The following C1orf87 variants were observed in gnomAD, a reference collection of about 807,000 sequenced individuals.
C1orf87 encodes the protein uncharacterized protein C1orf87.
Under a neutral mutation model 60.5 loss-of-function variants are expected in C1orf87, and 58 were observed. The observed-to-expected ratio is 0.96, with a 90% CI of 0.78 to 1.19. The LOEUF (loss-of-function observed/expected upper bound fraction) is 1.19. Ranked by LOEUF, C1orf87 falls within the 50% of genes most tolerant of loss-of-function variation. The pLI is 0.00. For missense variants in C1orf87, 673 were observed against 638.6 expected, an observed-to-expected ratio of 1.05 and a Z score of -0.58; for synonymous variants, 236 against 227.4, an observed-to-expected ratio of 1.04 and a Z score of -0.34.
At chr1:60,047,893 T>C (rs1241171885) in intron 3 of C1orf87, among the ~76,000 whole-genome samples, 2 of 152,190 alleles carry the variant, frequency 1.3e-5, no homozygotes, top group African/African-American at 4.8e-5. Flanking sequence ...ACTAGGGATA[T>C]GCAATGAAGT....
chr1:60,017,244 C>T (rs751834997), intron 8 of C1orf87, among the ~76,000 whole-genome samples: 9 of 152,164 alleles, frequency 5.9e-5, no homozygotes, highest in Non-Finnish European at 1.3e-4. Flanking sequence ...AGCCAATGGG[C>T]AGATCTATAC....
At chr1:60,047,219 T>C (rs1434766132) in intron 3 of C1orf87, among the ~76,000 whole-genome samples, 1 of 152,238 alleles carries the variant, frequency 6.6e-6, no homozygotes, top group Non-Finnish European at 1.5e-5. Flanking sequence ...TGCTTGGTTG[T>C]TTTATTTACT....
At chr1:59,994,137 C>T (rs544019754) in intron 11 of C1orf87, among the ~76,000 whole-genome samples, 1 of 152,218 alleles carries the variant, frequency 6.6e-6, no homozygotes, top group African/African-American at 2.4e-5. Flanking sequence ...GATCCGTTCT[C>T]AAATCTGGGA....
intron 11 of C1orf87, among the ~76,000 whole-genome samples, chr1:59,993,745 T>TAATAAGAA (rs1196628628): frequency 3.4e-5 from 5 of 148,370 alleles, no homozygotes; most frequent in Non-Finnish European, 7.5e-5. Context: ...AATAAAAAAA[T>TAATAAGAA]AATAAGAATC....
rs146811568 is a variant in C1orf87 at position 59,998,300 on chromosome 1, C to T, written c.1273-484G>A. On this transcript the variant is annotated intron_variant, in intron 10 of 11. Transcript: ENST00000371201. ...AGGATGTTAAAGCACTCTTAGTCTG[C>T]CAGTCCTGTTCATTTAGCAAAGGAG... Among the ~76,000 whole-genome samples the T allele has an allele frequency of 2.0e-5, 3 of 152,236 alleles. No homozygotes were observed. The East Asian group carries it at 5.8e-4, about 29-fold the overall frequency.
At chr1:60,020,768 A>C (rs1248165407) in intron 8 of C1orf87, among the ~76,000 whole-genome samples, 2 of 152,120 alleles carry the variant, frequency 1.3e-5, no homozygotes. Context: ...TTAATGCTGG[A>C]ATGACTTAAG....
At chr1:60,062,346 C>G (rs562559725) in intron 2 of C1orf87, among the ~76,000 whole-genome samples, 1 of 152,214 alleles carries the variant, frequency 6.6e-6, no homozygotes, top group South Asian at 2.1e-4. Context: ...TCTTCGAAAC[C>G]AAATCATTAT....
At chr1:60,038,213 A>C (rs963643256) in intron 5 of C1orf87, 106 bp from the exon 6 acceptor site, 8 of 444,748 alleles carry the variant, frequency 1.8e-5, no homozygotes, top group Admixed American at 3.8e-5. Context: ...CAAACATTTA[A>C]AAAAACACTT....
At chr1:60,029,659 T>TTA (rs1645223059) in intron 7 of C1orf87, among the ~76,000 whole-genome samples, 1 of 149,266 alleles carries the variant, frequency 6.7e-6, no homozygotes, top group African/African-American at 2.5e-5. Context: ...TTTTTTTTTT[T>TTA]AGATGGAGTC....
chr1:60,049,254 A>G (rs1645395654), intron 3 of C1orf87, among the ~76,000 whole-genome samples: 1 of 152,034 alleles, frequency 6.6e-6, no homozygotes, highest in Admixed American at 6.6e-5. Context: ...TATATTATCA[A>G]TATTATGGAT....
At chr1:60,008,264 A>C (rs1343073816) in intron 9 of C1orf87, among the ~76,000 whole-genome samples, 1 of 152,048 alleles carries the variant, frequency 6.6e-6, no homozygotes. Context: ...GCAGGTTTGC[A>C]TTTTTCTTTT....
At chr1:60,035,297 G>A (rs982292815) in intron 6 of C1orf87, among the ~76,000 whole-genome samples, 2 of 152,188 alleles carry the variant, frequency 1.3e-5, no homozygotes, top group African/African-American at 4.8e-5. Context: ...AATTCATGAA[G>A]CTTTGGTCCC....
intron 3 of C1orf87, among the ~76,000 whole-genome samples, chr1:60,051,170 A>G (rs1645411731): frequency 6.6e-6 from 1 of 152,238 alleles, no homozygotes; most frequent in African/African-American, 2.4e-5. Context: ...AGTGAAATAG[A>G]GAATAGACAG....
At chr1:60,052,810 T>C (rs1250469519) in intron 3 of C1orf87, among the ~76,000 whole-genome samples, 1 of 152,206 alleles carries the variant, frequency 6.6e-6, no homozygotes, top group Non-Finnish European at 1.5e-5. Flanking sequence ...AGGATTCCAT[T>C]TACCACTTAG....
intron 8 of C1orf87, among the ~76,000 whole-genome samples, chr1:60,014,349 G>C (rs1361425075): frequency 1.3e-5 from 2 of 152,156 alleles, no homozygotes; most frequent in Non-Finnish European, 2.9e-5. Context: ...CTTGGGGCAA[G>C]CAACTAATTG....
At chr1:59,994,623 C>G (rs1391896564) in intron 11 of C1orf87, among the ~76,000 whole-genome samples, 5 of 151,698 alleles carry the variant, frequency 3.3e-5, no homozygotes, top group Admixed American at 6.5e-5. Flanking sequence ...TTATCTTAAC[C>G]ACTGTTTTTT....
chr1:60,059,486 G>A (rs1437839533), intron 2 of C1orf87, among the ~76,000 whole-genome samples: 1 of 152,066 alleles, frequency 6.6e-6, no homozygotes, highest in African/African-American at 2.4e-5. Context: ...CTCTCTCACC[G>A]GGCTCTTTCT....
intron 7 of C1orf87, among the ~76,000 whole-genome samples, chr1:60,029,220 C>G (rs748382729): frequency 6.6e-6 from 1 of 152,150 alleles, no homozygotes; most frequent in Non-Finnish European, 1.5e-5. Flanking sequence ...TCTAATTAGT[C>G]ATCAAGACTT....
intron 2 of C1orf87, among the ~76,000 whole-genome samples, chr1:60,061,476 G>C (rs1645496267): frequency 6.6e-6 from 1 of 151,932 alleles, no homozygotes; most frequent in Admixed American, 6.5e-5. Flanking sequence ...TCATTATATA[G>C]ATATAAGATA....
Sources: allele counts gnomAD v4.1 joint callset (sites outside exome capture counted in the v4.1 genomes callset), GRCh38; gene constraint gnomAD v4.1.1; transcripts MANE v1.5; gene names NCBI Gene and HGNC (gene_info 2026-07-23, HGNC 2026-07-21).